The following DPYSL5 variants were observed in gnomAD, a reference collection of about 807,000 sequenced individuals.
The protein encoded by DPYSL5 is dihydropyrimidinase-related protein 5.
A neutral mutation model predicts 58.4 loss-of-function variants in DPYSL5; 9 were observed. That is an observed-to-expected ratio of 0.15 (90% CI 0.09 to 0.27). The LOEUF (loss-of-function observed/expected upper bound fraction) is 0.27, where lower values mean the gene tolerates loss of function less well. Ranked by LOEUF, DPYSL5 falls within the 10% of genes least tolerant of loss-of-function variation. The pLI is 1.00. For synonymous variants in DPYSL5, 293 were observed against 301.9 expected, an observed-to-expected ratio of 0.97 and a Z score of 0.31; for missense variants, 499 against 770.6, an observed-to-expected ratio of 0.65 and a Z score of 4.17.
chr2:26,930,953 G>A (rs180873441), intron 5 of DPYSL5, among the ~76,000 whole-genome samples: 18 of 149,302 alleles, frequency 1.2e-4, no homozygotes, highest in African/African-American at 3.4e-4. Context: ...CAGCCTGGGC[G>A]ACAGAGCAAG....
At chr2:26,867,451 T>G (rs191935362) in intron 1 of DPYSL5, among the ~76,000 whole-genome samples, 1,961 of 142,720 alleles carry the variant, frequency 0.014, 15 homozygotes, top group Middle Eastern at 0.035. Context: ...TTGTTTTTTT[T>G]TTTGTTTGTT....
intron 2 of DPYSL5, among the ~76,000 whole-genome samples, chr2:26,923,472 A>C (rs1485321692): frequency 6.6e-6 from 1 of 152,230 alleles, no homozygotes; most frequent in Non-Finnish European, 1.5e-5. Flanking sequence ...GTAGGTAAAG[A>C]CTTTGCATCC....
At chr2:26,902,043 AC>A (rs769504233) in intron 2 of DPYSL5, among the ~76,000 whole-genome samples, 1 of 148,980 alleles carries the variant, frequency 6.7e-6, no homozygotes, top group Non-Finnish European at 1.5e-5. Context: ...CCCCCACAAC[AC>A]CCCACCACCT....
intron 1 of DPYSL5, among the ~76,000 whole-genome samples, chr2:26,892,560 G>C (rs1663908580): frequency 6.6e-6 from 1 of 151,952 alleles, no homozygotes; most frequent in African/African-American, 2.4e-5. Context: ...GATTAAGCCA[G>C]ACATGGTGGC....
chr2:26,863,229 C>CCCTGG (rs1441359303), intron 1 of DPYSL5, among the ~76,000 whole-genome samples: 2 of 152,224 alleles, frequency 1.3e-5, no homozygotes, highest in African/African-American at 4.8e-5. Flanking sequence ...CTGTGTGGAG[C>CCCTGG]CATACTAGCC....
In DPYSL5 at chr2:26,946,892, GTGCT is replaced by G. The variant is rs777637801; in HGVS notation, c.1610-16_1610-13del. Reference sequence around the variant, plus strand: ...GGCACAAGAGCCCGTCTCACCCTCTGTGCTTCCTTCCCTGCAGGCTCTCAGATCG... The same window carrying G: ...GGCACAAGAGCCCGTCTCACCCTCTGTCCTTCCCTGCAGGCTCTCAGATCG... On this transcript the variant is annotated splice_polypyrimidine_tract_variant and intron_variant, in intron 12 of 12. Transcript: ENST00000288699. 2 of 1,611,110 alleles carry G rather than the reference GTGCT, an allele frequency of 1.2e-6. No homozygotes were observed. The highest frequency in any genetic ancestry group is 8.5e-7 in the Non-Finnish European group (1 of 1,177,296).
intron 1 of DPYSL5, among the ~76,000 whole-genome samples, chr2:26,863,018 C>T (rs1666055390): frequency 6.6e-6 from 1 of 152,176 alleles, no homozygotes; most frequent in Non-Finnish European, 1.5e-5. Flanking sequence ...TAGCATCTGA[C>T]ACATGCACTC....
At chr2:26,880,969 A>G (rs1034595111) in intron 1 of DPYSL5, among the ~76,000 whole-genome samples, 6 of 152,208 alleles carry the variant, frequency 3.9e-5, no homozygotes, top group African/African-American at 1.4e-4. Context: ...TTTCTCAGCC[A>G]TAACGTGGGG....
chr2:26,875,980 T>C (rs1020332415), intron 1 of DPYSL5, among the ~76,000 whole-genome samples: 3 of 152,230 alleles, frequency 2.0e-5, no homozygotes, highest in African/African-American at 7.2e-5. Flanking sequence ...TCGGTAGGTA[T>C]GCAGCAGGTG....
At chr2:26,914,253 G>A (rs146003067) in intron 2 of DPYSL5, among the ~76,000 whole-genome samples, 33 of 152,348 alleles carry the variant, frequency 2.2e-4, no homozygotes, top group African/African-American at 7.5e-4. Flanking sequence ...TCGCTGCGCT[G>A]ATGCAGGAGG....
chr2:26,869,636 TA>T (rs1055231432), intron 1 of DPYSL5, among the ~76,000 whole-genome samples: 29 of 152,224 alleles, frequency 1.9e-4, no homozygotes, highest in African/African-American at 4.3e-4. Context: ...CTGTTTGCTA[TA>T]AAAAATACTG....
intron 2 of DPYSL5, among the ~76,000 whole-genome samples, chr2:26,923,763 C>T (rs1461129467): frequency 6.6e-6 from 1 of 152,146 alleles, no homozygotes; most frequent in Non-Finnish European, 1.5e-5. Context: ...CAGGTTCAAG[C>T]AATTCTCCTG....
At position 26,940,165 on chromosome 2, in the gene DPYSL5, G is replaced by C. The variant is rs139923319; in HGVS notation, c.1082G>C (p.Arg361Thr). Residue 361 changes from arginine to threonine, a missense_variant, in exon 9 of 13, where the codon AGA becomes ACA. By Grantham distance (71) the Arg-to-Thr change is moderately conservative. Coordinates refer to ENST00000288699, the MANE Select transcript of DPYSL5 (RefSeq NM_020134.4). Reference sequence around the variant, plus strand: ...GACCGCATGAGCGTCATCTGGGAGAGAGGAGTGGTATGTTTCCTAGAGCCC... The same window carrying C: ...GACCGCATGAGCGTCATCTGGGAGACAGGAGTGGTATGTTTCCTAGAGCCC... ...VQDRMSVIWE[R>T]GVVGGKMDEN... The C allele has an allele frequency of 1.9e-6, 3 of 1,614,022 alleles. No individual in the cohort carries two copies. The highest frequency in any genetic ancestry group is 2.7e-5 in the African/African-American group (2 of 75,042).
Position 26,944,888 on chromosome 2 carries a change from G to A in DPYSL5, c.1609+64G>A. 6.6e-7 allele frequency: 1 copy of A among 1,512,318 alleles called. No homozygotes were observed. Among genetic ancestry groups the A allele is most frequent in the South Asian group, 1.2e-5 (1 of 85,922 alleles). 93.7% of individuals were successfully genotyped at this position (1,512,318 alleles called of 1,614,324 possible). A position where few individuals can be genotyped will look rare whatever the true frequency, so the allele number is the denominator to read the frequency against. ...GGGAGAAGTGGCCCACCTAGGCAGT[G>A]GGACTTACGCCTGCTTTTCTTTTGT... On this transcript the variant is annotated intron_variant, in intron 12 of 12. Coordinates refer to ENST00000288699, the MANE Select transcript of DPYSL5 (RefSeq NM_020134.4). This position sits in a 1 kb window ranked among gnomAD's most constrained non-coding sequence, Gnocchi z 4.4.
intron 1 of DPYSL5, among the ~76,000 whole-genome samples, chr2:26,885,576 A>C (rs2148127499): frequency 6.6e-6 from 1 of 152,322 alleles, no homozygotes; most frequent in South Asian, 2.1e-4. Flanking sequence ...CTGGTGGGAC[A>C]TTCAGAGACC....
chr2:26,858,573 A>AT lies in DPYSL5; in HGVS notation c.-5+10333dup, dbSNP rs746187290. Reference sequence around the variant, plus strand: ...CATATCTTTTATAATATAGGATTTAATTTTTTTTTTTTTTGGAGACAAGGT... The same window carrying AT: ...CATATCTTTTATAATATAGGATTTAATTTTTTTTTTTTTTTGGAGACAAGGT... On this transcript the variant is annotated intron_variant, in intron 1 of 12. Transcript: ENST00000288699. Among the ~76,000 whole-genome samples the AT allele has an allele frequency of 5.3e-3, 716 of 134,596 alleles. 3 individuals are homozygous for AT. Among genetic ancestry groups the AT allele is most frequent in the Middle Eastern group, 0.017 (4 of 232 alleles). 88.3% of individuals were successfully genotyped at this position (134,596 alleles called of 152,430 possible). A position where few individuals can be genotyped will look rare whatever the true frequency, so the allele number is the denominator to read the frequency against.
At chr2:26,941,854 T>G in intron 9 of DPYSL5, 96 bp from the exon 10 acceptor site, 1 of 1,540,278 alleles carries the variant, frequency 6.5e-7, no homozygotes, top group Non-Finnish European at 8.9e-7. Context: ...CCTGACCACC[T>G]AAGCCCTAAG....
At chr2:26,909,911 T>C (rs1277980299) in intron 2 of DPYSL5, among the ~76,000 whole-genome samples, 2 of 152,206 alleles carry the variant, frequency 1.3e-5, no homozygotes, top group Non-Finnish European at 2.9e-5. Context: ...GCTGCACATT[T>C]TAAAGTATAC....
rs1013266322 is a variant in DPYSL5 at position 26,940,073 on chromosome 2, C to A, written c.990C>A (p.Thr330=). The change falls in exon 9 of 13, where the codon ACC becomes ACA. Residue 330 remains threonine (T), a synonymous_variant. Coordinates refer to ENST00000288699, the MANE Select transcript of DPYSL5 (RefSeq NM_020134.4). ...TGGCATCAGATCACCGGCCTTTCAC[C>A]ACAAAGCAGAAAGCTATGGGCAAGG... ...NIVASDHRPF[T]TKQKAMGKED... 3.7e-6 allele frequency: 6 copies of A among 1,614,212 alleles called. No homozygotes were observed. Among genetic ancestry groups the A allele is most frequent in the Non-Finnish European group, 3.4e-6 (4 of 1,180,044 alleles).
Sources: gnomAD v4.1 joint callset for allele counts (sites outside exome capture counted in the v4.1 genomes callset) on GRCh38, gnomAD v4.1.1 for gene constraint, Gnocchi (gnomAD v3.1) non-coding constraint, MANE v1.5 for transcripts, NCBI Gene and HGNC (gene_info 2026-07-23, HGNC 2026-07-21) for gene names.